HDAC8: variants seen among roughly 807,000 people sequenced by gnomAD.
HDAC8 encodes the protein histone deacetylase 8.
A neutral mutation model predicts 32.2 loss-of-function variants in HDAC8; 1 was observed. The observed-to-expected ratio is 0.03, with a 90% CI of 0.01 to 0.15. The LOEUF is 0.15. Among genes scored for constraint, HDAC8 ranks in the 10% least tolerant of loss-of-function variants. The pLI, the probability that HDAC8 is intolerant of heterozygous loss-of-function variation, is 1.00. For synonymous variants in HDAC8, 108 were observed against 113.9 expected (o/e 0.95, Z 0.33); for missense variants, 117 against 300.0 (o/e 0.39, Z 4.51).
At chrX:72,338,381 T>G (rs2043776104) in intron 10 of HDAC8, among the ~76,000 whole-genome samples, 1 of 109,833 alleles carries the variant, frequency 9.1e-6, no homozygotes, top group Non-Finnish European at 1.9e-5. Flanking sequence ...ACCTTATAAG[T>G]GTGGGTAAGG....
At chrX:72,336,607 G>A (rs2043691289) in intron 10 of HDAC8, among the ~76,000 whole-genome samples, 1 of 110,349 alleles carries the variant, frequency 9.1e-6, no homozygotes, top group African/African-American at 3.3e-5. Context: ...TTGTAGAGAT[G>A]GGGTCTTGCT....
chrX:72,460,456 A>G (rs1177624440), intron 9 of HDAC8, among the ~76,000 whole-genome samples: 1 of 111,518 alleles, frequency 9.0e-6, no homozygotes, highest in Non-Finnish European at 1.9e-5. Flanking sequence ...GCATTTTTAA[A>G]GTGCCTATTA....
intron 8 of HDAC8, among the ~76,000 whole-genome samples, chrX:72,463,592 T>A (rs2047927350): frequency 8.9e-6 from 1 of 112,015 alleles, no homozygotes; most frequent in African/African-American, 3.2e-5. Context: ...CAATTTTATC[T>A]TTTTCTTCAG....
intron 9 of HDAC8, among the ~76,000 whole-genome samples, chrX:72,379,655 GC>G (rs2045211516): frequency 1.8e-5 from 2 of 108,906 alleles, no homozygotes; most frequent in East Asian, 5.8e-4. Context: ...GCGCCATGAC[GC>G]CCGGCTAATT....
chrX:72,541,356 G>A (rs1401883467), intron 4 of HDAC8, among the ~76,000 whole-genome samples: 1 of 111,765 alleles, frequency 8.9e-6, no homozygotes, highest in Non-Finnish European at 1.9e-5. Flanking sequence ...AATGAATCCA[G>A]TGCCTGAAGA....
chrX:72,480,370 A>C (rs2048460469), intron 7 of HDAC8: 1 of 329,172 alleles, frequency 3.0e-6, no homozygotes, highest in Admixed American at 3.1e-5. Context: ...TGGGGAATGT[A>C]TTAGCTTGTG....
chrX:72,472,427 C>T (rs2048213616), intron 7 of HDAC8, among the ~76,000 whole-genome samples: 3 of 111,929 alleles, frequency 2.7e-5, no homozygotes, highest in African/African-American at 9.7e-5. Context: ...ATTGAAAAGA[C>T]TGTCCTCTCC....
intron 5 of HDAC8, 148 bp from the exon 6 acceptor site, chrX:72,491,154 G>A (rs782281693): frequency 2.2e-5 from 9 of 413,755 alleles, no homozygotes; most frequent in South Asian, 4.7e-5. Context: ...AAAGTAATAC[G>A]AACCTCTGGT....
chrX:72,571,733 A>T (rs782156490), intron 2 of HDAC8, among the ~76,000 whole-genome samples: 1 of 107,162 alleles, frequency 9.3e-6, no homozygotes, highest in Non-Finnish European at 1.9e-5. Flanking sequence ...CGTCCGGCTA[A>T]TTTTTTTGTA....
At chrX:72,563,897 C>T (rs2051680059) in intron 4 of HDAC8, among the ~76,000 whole-genome samples, 1 of 111,855 alleles carries the variant, frequency 8.9e-6, no homozygotes, top group African/African-American at 3.3e-5. Context: ...AGTGGTGGCT[C>T]ATGCCTGTAA....
chrX:72,345,975 G>A lies in HDAC8; in HGVS notation c.1111+5758C>T, dbSNP rs782497909. 4.5e-4 allele frequency among the ~76,000 whole-genome samples: 50 copies of A among 111,746 alleles called. 1 individual carries two copies. The highest frequency in any genetic ancestry group is 9.4e-4 in the African/African-American group (29 of 30,789). On this transcript the variant is annotated intron_variant, in intron 10 of 10. Transcript: ENST00000373573. Reference sequence around the variant, plus strand: ...CTGGATTACAAGCTCGAGCCATGGCGCCCGGCCCAGAATTTTTAAAATTTT... The same window carrying A: ...CTGGATTACAAGCTCGAGCCATGGCACCCGGCCCAGAATTTTTAAAATTTT...
chrX:72,507,060 G>A (rs782308260), intron 4 of HDAC8, among the ~76,000 whole-genome samples: 1 of 110,533 alleles, frequency 9.0e-6, no homozygotes, highest in South Asian at 3.9e-4. Flanking sequence ...TGTTGCCCAG[G>A]CTGGCCTCGA....
At chrX:72,430,102 C>T (rs782232336) in intron 9 of HDAC8, among the ~76,000 whole-genome samples, 1 of 112,395 alleles carries the variant, frequency 8.9e-6, no homozygotes, top group South Asian at 3.7e-4. Context: ...TGACTTCTTT[C>T]CTCCTTTTGG....
chrX:72,477,756 C>T (rs1362177138), intron 7 of HDAC8, among the ~76,000 whole-genome samples: 1 of 112,465 alleles, frequency 8.9e-6, no homozygotes, highest in Non-Finnish European at 1.9e-5. Context: ...TCCAACTCAT[C>T]ATATTTTAAC....
chrX:72,342,326 CTG>C (rs1231488832), intron 10 of HDAC8, among the ~76,000 whole-genome samples: 2 of 112,472 alleles, frequency 1.8e-5, no homozygotes, highest in Non-Finnish European at 3.8e-5. Context: ...CTCTGGAACT[CTG>C]TGGTGAGAAT....
intron 9 of HDAC8, among the ~76,000 whole-genome samples, chrX:72,361,333 A>T (rs1555952455): frequency 8.9e-6 from 1 of 111,803 alleles, no homozygotes; most frequent in African/African-American, 3.2e-5. Context: ...AAGTTTATTA[A>T]GCAAAATAAT....
intron 9 of HDAC8, among the ~76,000 whole-genome samples, chrX:72,442,714 T>A (rs1194031623): frequency 8.9e-6 from 1 of 112,026 alleles, no homozygotes; most frequent in Non-Finnish European, 1.9e-5. Flanking sequence ...ATGGACTCAA[T>A]GCTCCAATTA....
intron 7 of HDAC8, chrX:72,474,349 A>G (rs781845433): frequency 1.8e-4 from 144 of 779,915 alleles, no homozygotes; most frequent in Non-Finnish European, 2.1e-4. Context: ...GGTAGAATCA[A>G]TACTTTATAC....
chrX:72,398,492 AT>A (rs1244311407), intron 9 of HDAC8, among the ~76,000 whole-genome samples: 21 of 104,468 alleles, frequency 2.0e-4, no homozygotes, highest in Middle Eastern at 4.8e-3. Flanking sequence ...TGTCCTGATA[AT>A]TTTTTTTTTC....
Sources: allele counts gnomAD v4.1 joint callset (sites outside exome capture counted in the v4.1 genomes callset), GRCh38; gene constraint gnomAD v4.1.1; transcripts MANE v1.5; gene names NCBI Gene and HGNC (gene_info 2026-07-23, HGNC 2026-07-21).